Variants in CHUK observed in about 807,000 individuals in gnomAD.
The protein encoded by CHUK is component of inhibitor of nuclear factor kappa B kinase complex.
Under a neutral mutation model 104.8 loss-of-function variants are expected in CHUK, and 35 were observed. That is an observed-to-expected ratio of 0.33 (90% CI 0.26 to 0.44). The LOEUF (loss-of-function observed/expected upper bound fraction) is 0.44. Among genes scored for constraint, CHUK ranks in the 20% least tolerant of loss-of-function variants. CHUK has a pLI of 1.00. For missense variants in CHUK, 663 were observed against 902.7 expected (o/e 0.73, Z 3.40); for synonymous variants, 276 against 291.9 (o/e 0.95, Z 0.56).
chr10:100,206,997 T>G (rs1429788615), intron 11 of CHUK, among the ~76,000 whole-genome samples: 1 of 150,530 alleles, frequency 6.6e-6, no homozygotes, highest in Admixed American at 6.6e-5. Context: ...GAGAGCCCTA[T>G]CCTCAAGAAA....
At position 100,199,983 on chromosome 10, in the gene CHUK, G is replaced by A; in HGVS notation, c.1717C>T (p.His573Tyr). The A allele has an allele frequency of 6.2e-7, 1 of 1,612,236 alleles. No individual in the cohort carries two copies. The highest frequency in any genetic ancestry group is 8.5e-7 in the Non-Finnish European group (1 of 1,178,420). ...RAIDLYKQLK[H>Y]RPSDHSYSDS... Reference sequence around the variant, plus strand: ...AGAAGTGTCTTACCTGAAGGTCTGTGTTTTAACTGCTTATATAGATCAATG... The same window carrying A: ...AGAAGTGTCTTACCTGAAGGTCTGTATTTTAACTGCTTATATAGATCAATG... The change falls in exon 16 of 21, where the codon CAC becomes TAC. Residue 573 changes from histidine to tyrosine, a missense_variant. By Grantham distance (83) the His-to-Tyr change is moderately conservative (BLOSUM62 2). Transcript: ENST00000370397.
Position 100,205,113 on chromosome 10 carries a change from CTTCT to C in CHUK, c.1314_1317del (p.Glu439ThrfsTer14), listed in dbSNP as rs1564834327. On this transcript the variant is annotated frameshift_variant, in exon 12 of 21. Transcript: ENST00000370397. LOFTEE classifies it high-confidence loss of function. ...TGTCCCTGAAAGAGCCTGCTATAGT[CTTCT>C]TTTAGTCCAGACACATAGTGCACTG... 1 of 1,614,158 alleles carries C rather than the reference CTTCT, an allele frequency of 6.2e-7. No homozygotes were observed. Among genetic ancestry groups the C allele is most frequent in the Non-Finnish European group, 8.5e-7 (1 of 1,179,988 alleles).
intron 10 of CHUK, among the ~76,000 whole-genome samples, chr10:100,208,834 T>C (rs1845654241): frequency 6.7e-6 from 1 of 149,726 alleles, no homozygotes; most frequent in Admixed American, 6.6e-5. Flanking sequence ...GGCTGAAATG[T>C]AGCCAAAGCC....
rs1846097085 is a variant in CHUK, at chr10:100,226,020, G to A, written c.106-3C>T. 1.3e-6 allele frequency: 2 copies of A among 1,563,662 alleles called. No homozygotes were observed. Among genetic ancestry groups the A allele is most frequent in the Non-Finnish European group, 1.8e-6 (2 of 1,134,468 alleles). Reference sequence around the variant, plus strand: ...ATTGCTATTTTGAGATCAAGTTCCTGCCAAAATAGAAAATCAACAGAAAAA... The same window carrying A: ...ATTGCTATTTTGAGATCAAGTTCCTACCAAAATAGAAAATCAACAGAAAAA... On this transcript the variant is annotated splice_polypyrimidine_tract_variant and splice_region_variant and intron_variant, in intron 1 of 20. Transcript: ENST00000370397.
intron 9 of CHUK, among the ~76,000 whole-genome samples, chr10:100,217,605 C>T (rs12768211): frequency 0.075 from 11,431 of 152,202 alleles, 581 homozygotes; most frequent in African/African-American, 0.14. Flanking sequence ...CAGGGCTGGA[C>T]GCAATGGCTC....
intron 19 of CHUK, among the ~76,000 whole-genome samples, chr10:100,192,013 G>T (rs1658570308): frequency 6.6e-6 from 1 of 152,194 alleles, no homozygotes; most frequent in African/African-American, 2.4e-5. Flanking sequence ...AGCTACTCGG[G>T]AAGCTGAAGC....
At chr10:100,200,902 A>G in intron 14 of CHUK, 122 bp from the exon 15 acceptor site, 2 of 699,068 alleles carry the variant, frequency 2.9e-6, no homozygotes, top group Non-Finnish European at 5.2e-6. Flanking sequence ...ATAATATAAT[A>G]CGAAACACTG....
intron 9 of CHUK, among the ~76,000 whole-genome samples, chr10:100,217,203 G>A (rs1004830601): frequency 4.0e-5 from 6 of 150,904 alleles, no homozygotes; most frequent in African/African-American, 1.5e-4. Flanking sequence ...AACTTGGTTA[G>A]GGAAAGCCCC....
In CHUK at chr10:100,194,043, C is replaced by CAGTATT; in HGVS notation, c.1909_1914dup (p.Asn637_Thr638dup). 1 of 1,613,774 alleles carries CAGTATT rather than the reference C, an allele frequency of 6.2e-7. No individual in the cohort carries two copies. The highest frequency in any genetic ancestry group is 8.5e-7 in the Non-Finnish European group (1 of 1,179,784). ...TGCCTTTTTCCCTGCATGAACATGA[C>CAGTATT]AGTATTGTCAGCTTCTTTGATATTA... On this transcript the variant is annotated inframe_insertion, in exon 18 of 21. Coordinates refer to ENST00000370397, the MANE Select transcript of CHUK (RefSeq NM_001278.5).
At chr10:100,218,263 C>A in intron 8 of CHUK, 133 bp from the exon 9 acceptor site, 1 of 798,588 alleles carries the variant, frequency 1.3e-6, no homozygotes, top group Non-Finnish European at 2.0e-6. Flanking sequence ...TCATAAATTA[C>A]TTTCAAATTC....
chr10:100,226,051 T>A (rs896694250), intron 1 of CHUK, 34 bp from the exon 2 acceptor site: 10 of 1,236,570 alleles, frequency 8.1e-6, no homozygotes, highest in Middle Eastern at 1.9e-4. Context: ...AAAAAAAAAA[T>A]TAGGTTCTTG....
chr10:100,222,815 A>G (rs1268602606), intron 3 of CHUK, 51 bp downstream of exon 3: 3 of 883,830 alleles, frequency 3.4e-6, no homozygotes, highest in East Asian at 2.4e-5. Flanking sequence ...TGATTCAAAC[A>G]TTGCTAAAGT....
At chr10:100,199,422 G>A (rs1307139884) in intron 16 of CHUK, among the ~76,000 whole-genome samples, 1 of 152,172 alleles carries the variant, frequency 6.6e-6, no homozygotes, top group Non-Finnish European at 1.5e-5. Flanking sequence ...CTCTTCCCAG[G>A]TTCAAGCGAT....
At chr10:100,225,631 G>A (rs1023730452) in intron 2 of CHUK, among the ~76,000 whole-genome samples, 2 of 152,132 alleles carry the variant, frequency 1.3e-5, no homozygotes, top group African/African-American at 4.8e-5. Context: ...GGAATTGCTG[G>A]ATCATATGGT....
Position 100,189,223 on chromosome 10 carries a change from G to A in CHUK, c.*375C>T. 5.4e-6 allele frequency: 1 copy of A among 185,594 alleles called. No homozygotes were observed. The highest frequency in any genetic ancestry group is 5.6e-5 in the Admixed American group (1 of 17,778). The allele number at this position is 185,594 out of a possible 1,614,324, so 11.5% of individuals were successfully genotyped here. The stretch of plus-strand genomic sequence containing the variant: ...TTCTCTGTATACAAAACTACATTTG[G>A]TCTTACGCCCAAAAGTTAAAAGTTG... On this transcript the variant is annotated 3_prime_UTR_variant, in exon 21 of 21. Coordinates refer to ENST00000370397, the MANE Select transcript of CHUK (RefSeq NM_001278.5).
At chr10:100,207,988 G>T (rs908868628) in intron 10 of CHUK, among the ~76,000 whole-genome samples, 8 of 152,024 alleles carry the variant, frequency 5.3e-5, no homozygotes, top group Non-Finnish European at 7.4e-5. Flanking sequence ...GTCATAAAAA[G>T]AAAAATGGGG....
Position 100,200,720 on chromosome 10 carries a change from G to A in CHUK, c.1630C>T (p.Leu544=). The part of the protein sequence containing the change: ...IMSLHAEIME[L]QKSPYGRRQG... ...CGTCTTCCATAGGGGCTCTTCTGTA[G>A]CTCCATGATTTCAGCATGCAAAGAC... The change falls in exon 15 of 21, where the codon CTA becomes TTA. Residue 544 remains leucine, a synonymous_variant. Coordinates refer to ENST00000370397, the MANE Select transcript of CHUK (RefSeq NM_001278.5). 1 of 1,608,108 alleles carries A rather than the reference G, an allele frequency of 6.2e-7. No individual in the cohort carries two copies. The highest frequency in any genetic ancestry group is 8.5e-7 in the Non-Finnish European group (1 of 1,175,030).
intron 3 of CHUK, among the ~76,000 whole-genome samples, chr10:100,222,423 T>C (rs950440590): frequency 6.6e-6 from 1 of 152,148 alleles, no homozygotes; most frequent in African/African-American, 2.4e-5. Context: ...CTCATGGATA[T>C]ATATAAAAAT....
intron 13 of CHUK, among the ~76,000 whole-genome samples, chr10:100,203,117 A>T (rs1845508464): frequency 6.6e-6 from 1 of 152,166 alleles, no homozygotes; most frequent in South Asian, 2.1e-4. Flanking sequence ...AAAGGATATA[A>T]ACAGAAAAGA....
Sources: gnomAD v4.1 joint callset for allele counts (sites outside exome capture counted in the v4.1 genomes callset) on GRCh38, gnomAD v4.1.1 for gene constraint, MANE v1.5 for transcripts, NCBI Gene and HGNC (gene_info 2026-07-23, HGNC 2026-07-21) for gene names.